TAF4B: variants seen among roughly 807,000 people sequenced by gnomAD.
TAF4B encodes transcription initiation factor TFIID subunit 4B.
A neutral mutation model predicts 86.4 loss-of-function variants in TAF4B; 38 were observed. That is an observed-to-expected ratio of 0.44 (90% confidence interval 0.34 to 0.58). The LOEUF is 0.58. Among genes scored for constraint, TAF4B ranks in the 20% least tolerant of loss-of-function variants. TAF4B has a pLI of 0.02. For synonymous variants in TAF4B, 388 were observed against 391.2 expected, an observed-to-expected ratio of 0.99 and a Z score of 0.10; for missense variants, 988 against 1,027.6, an observed-to-expected ratio of 0.96 and a Z score of 0.53.
intron 13 of TAF4B, among the ~76,000 whole-genome samples, chr18:26,341,374 G>A (rs1273567624): frequency 6.6e-6 from 1 of 151,906 alleles, no homozygotes; most frequent in East Asian, 1.9e-4. Flanking sequence ...CCATGAATAT[G>A]TTCTTTCTTT....
chr18:26,256,308 C>T (rs1157253143), intron 1 of TAF4B: 2 of 1,450,674 alleles, frequency 1.4e-6, no homozygotes, highest in African/African-American at 2.8e-5. Context: ...TCTGCAAATA[C>T]AGCAGCCCTC....
At chr18:26,343,176 G>A (rs879791151) in intron 13 of TAF4B, among the ~76,000 whole-genome samples, 1 of 152,152 alleles carries the variant, frequency 6.6e-6, no homozygotes, top group Non-Finnish European at 1.5e-5. Context: ...CCTACTGCTT[G>A]ATTCTAGACC....
chr18:26,288,688 C>CT (rs772166519), intron 7 of TAF4B, among the ~76,000 whole-genome samples: 6 of 152,080 alleles, frequency 3.9e-5, no homozygotes, highest in Non-Finnish European at 5.9e-5. Context: ...GGATCTCAGA[C>CT]TAGAACCCAG....
intron 1 of TAF4B, among the ~76,000 whole-genome samples, chr18:26,263,799 G>A (rs1227817000): frequency 6.6e-6 from 1 of 151,518 alleles, no homozygotes; most frequent in African/African-American, 2.4e-5. Context: ...TTGCAGCCTC[G>A]AGCTTGTGGG....
intron 1 of TAF4B, among the ~76,000 whole-genome samples, chr18:26,234,443 T>G (rs1403939348): frequency 6.6e-6 from 1 of 152,258 alleles, no homozygotes; most frequent in African/African-American, 2.4e-5. Context: ...TAGGATTAGA[T>G]AAACATACTT....
chr18:26,257,680 T>C (rs1005800428), intron 1 of TAF4B, among the ~76,000 whole-genome samples: 11 of 152,206 alleles, frequency 7.2e-5, no homozygotes, highest in African/African-American at 2.4e-4. Context: ...ACTTATCCTT[T>C]GTAATTTTTT....
At position 26,249,250 on chromosome 18, in the gene TAF4B, A is replaced by G. The variant is rs2055968014; in HGVS notation, c.344-15920A>G. 2.0e-5 allele frequency among the ~76,000 whole-genome samples: 3 copies of G among 152,212 alleles called. No individual in the cohort carries two copies. In the South Asian group the frequency reaches 6.2e-4, roughly 32 times the overall value. On this transcript the variant is annotated intron_variant, in intron 1 of 14. Transcript: ENST00000269142. ...TCCCACCACTTTGGGAGGCCAAGGC[A>G]GGTGGATTACTTGAGGCCAGGAGTT...
chr18:26,325,185 A>G (rs1206609052), intron 11 of TAF4B, among the ~76,000 whole-genome samples: 1 of 152,250 alleles, frequency 6.6e-6, no homozygotes, highest in African/African-American at 2.4e-5. Context: ...TTTCCCACTG[A>G]AGATATGTTA....
At chr18:26,240,200 T>C (rs544576221) in intron 1 of TAF4B, among the ~76,000 whole-genome samples, 1 of 152,368 alleles carries the variant, frequency 6.6e-6, no homozygotes, top group African/African-American at 2.4e-5. Flanking sequence ...TTTCATGATA[T>C]TGATTCTTCC....
chr18:26,374,793 C>T (rs1379574681), intron 14 of TAF4B, among the ~76,000 whole-genome samples: 2 of 152,074 alleles, frequency 1.3e-5, no homozygotes, highest in East Asian at 3.8e-4. Context: ...CCCTATTTAG[C>T]TTCTGTTTAT....
At chr18:26,354,708 C>T (rs187824903) in intron 13 of TAF4B, among the ~76,000 whole-genome samples, 6 of 152,204 alleles carry the variant, frequency 3.9e-5, no homozygotes, top group East Asian at 1.9e-4. Context: ...ATCAATTGGC[C>T]GTATTTATAT....
At chr18:26,307,845 C>T (rs1170028527) in intron 9 of TAF4B, among the ~76,000 whole-genome samples, 1 of 152,142 alleles carries the variant, frequency 6.6e-6, no homozygotes, top group East Asian at 1.9e-4. Context: ...TGTGTATGCT[C>T]ACGCTTGTAA....
At chr18:26,333,364 G>A (rs924792943) in intron 12 of TAF4B, among the ~76,000 whole-genome samples, 7 of 150,248 alleles carry the variant, frequency 4.7e-5, no homozygotes, top group Non-Finnish European at 8.9e-5. Flanking sequence ...GGGACTACAG[G>A]TGCATGCCAC....
chr18:26,259,787 G>A (rs1292145591), intron 1 of TAF4B, among the ~76,000 whole-genome samples: 1 of 152,076 alleles, frequency 6.6e-6, no homozygotes, highest in Non-Finnish European at 1.5e-5. Context: ...ATAATCCTTT[G>A]GGTATATACC....
chr18:26,365,756 A>C (rs554923748), intron 14 of TAF4B, among the ~76,000 whole-genome samples: 13 of 152,270 alleles, frequency 8.5e-5, no homozygotes, highest in African/African-American at 3.1e-4. Flanking sequence ...AGTGCTGTAC[A>C]TAGTTCTTTG....
At chr18:26,275,402 T>TG in intron 5 of TAF4B, among the ~76,000 whole-genome samples, 1 of 152,290 alleles carries the variant, frequency 6.6e-6, no homozygotes, top group African/African-American at 2.4e-5. Flanking sequence ...GTGATGCACT[T>TG]GCCCTGACCT....
At chr18:26,382,438 A>G (rs1978295080) in intron 14 of TAF4B, among the ~76,000 whole-genome samples, 1 of 151,850 alleles carries the variant, frequency 6.6e-6, no homozygotes, top group African/African-American at 2.4e-5. Context: ...GGGCTGAAGC[A>G]CTTTCTTAAT....
At chr18:26,316,291 T>C (rs1193596358) in intron 10 of TAF4B, among the ~76,000 whole-genome samples, 2 of 152,160 alleles carry the variant, frequency 1.3e-5, no homozygotes, top group African/African-American at 4.8e-5. Context: ...CAAAGTTCAT[T>C]ATTATTACAG....
intron 12 of TAF4B, among the ~76,000 whole-genome samples, chr18:26,328,005 G>C (rs1422014881): frequency 6.6e-6 from 1 of 152,194 alleles, no homozygotes; most frequent in Non-Finnish European, 1.5e-5. Context: ...TTTCTTCGTA[G>C]GCTTTGGGCC....
Sources: gnomAD v4.1 joint callset for allele counts (sites outside exome capture counted in the v4.1 genomes callset) on GRCh38, gnomAD v4.1.1 for gene constraint, MANE v1.5 for transcripts, NCBI Gene and HGNC (gene_info 2026-07-23, HGNC 2026-07-21) for gene names.